SYNE2: variants seen among roughly 807,000 people sequenced by gnomAD.
The protein encoded by SYNE2 is nesprin-2.
A neutral mutation model predicts 856.3 loss-of-function variants in SYNE2; 431 were observed. That is an observed-to-expected ratio of 0.50 (90% CI 0.47 to 0.55). The LOEUF (loss-of-function observed/expected upper bound fraction) is 0.55. Ranked by LOEUF, SYNE2 falls within the 20% of genes least tolerant of loss-of-function variation. SYNE2 has a pLI of 0.00. For missense variants in SYNE2, 8,129 were observed against 8,023.2 expected, an observed-to-expected ratio of 1.01 and a Z score of -0.50; for synonymous variants, 2,923 against 2,872.3, an observed-to-expected ratio of 1.02 and a Z score of -0.56.
At position 63,991,042 on chromosome 14, in the gene SYNE2, A is replaced by T; in HGVS notation, c.2573A>T (p.Glu858Val). ...LKMEESQKEL[E>V]SYMMRAQQLL... ...ATGGAAGAATCCCAGAAGGAACTTG[A>T]ATCATATATGATGAGGGCTCAGCAG... is the stretch of plus-strand genomic sequence containing the variant. Residue 858 changes from glutamate (E) to valine (V), a missense_variant, in exon 21 of 116, where the codon GAA becomes GTA. Physicochemically the swap from Glu to Val is moderately radical, Grantham distance 121. Coordinates refer to ENST00000555002, the MANE Select transcript of SYNE2 (RefSeq NM_182914.3). 1 of 1,614,168 alleles carries T rather than the reference A, an allele frequency of 6.2e-7. No individual in the cohort carries two copies. Among genetic ancestry groups the T allele is most frequent in the Non-Finnish European group, 8.5e-7 (1 of 1,180,000 alleles).
At chr14:64,189,163 G>A (rs960728201) in intron 98 of SYNE2, among the ~76,000 whole-genome samples, 3 of 151,948 alleles carry the variant, frequency 2.0e-5, no homozygotes, top group Non-Finnish European at 4.4e-5. Context: ...GTGAAACCTC[G>A]TCTCTACTAA....
At chr14:64,197,809 T>C (rs949715064) in intron 99 of SYNE2, among the ~76,000 whole-genome samples, 10 of 152,210 alleles carry the variant, frequency 6.6e-5, no homozygotes, top group African/African-American at 2.4e-4. Context: ...CTTGATTTTG[T>C]TTGTTTGGAA....
At chr14:64,158,501 A>C (rs2098303526) in intron 85 of SYNE2, 124 bp from the exon 86 acceptor site, 1 of 1,029,096 alleles carries the variant, frequency 9.7e-7, no homozygotes, top group Admixed American at 2.0e-5. Flanking sequence ...ACCTTCAGTT[A>C]ATCACTGGTG....
intron 1 of SYNE2, among the ~76,000 whole-genome samples, chr14:63,801,461 C>T (rs915434265): frequency 2.6e-5 from 4 of 152,180 alleles, no homozygotes; most frequent in Admixed American, 6.5e-5. Flanking sequence ...CACCTGAGGT[C>T]GGGAGTTCGA....
chr14:63,866,987 T>C (rs1895523363), intron 1 of SYNE2, among the ~76,000 whole-genome samples: 1 of 152,186 alleles, frequency 6.6e-6, no homozygotes, highest in Non-Finnish European at 1.5e-5. Flanking sequence ...TTAATATTTA[T>C]TTAGTACTCA....
At chr14:63,811,349 G>A (rs1433599254) in intron 1 of SYNE2, among the ~76,000 whole-genome samples, 1 of 151,920 alleles carries the variant, frequency 6.6e-6, no homozygotes, top group Admixed American at 6.6e-5. Flanking sequence ...TTGACCACCT[G>A]GGCTCAAGTG....
chr14:63,958,900 C>T (rs897303482), intron 8 of SYNE2, among the ~76,000 whole-genome samples: 12 of 152,176 alleles, frequency 7.9e-5, no homozygotes, highest in Admixed American at 5.2e-4. Context: ...GTCCTCTTTA[C>T]GCTCAAAGTT....
chr14:63,993,965 G>A lies in SYNE2; in HGVS notation c.2777G>A (p.Trp926Ter). 2 of 1,613,728 alleles carry A rather than the reference G, an allele frequency of 1.2e-6. No individual in the cohort carries two copies. Among genetic ancestry groups the A allele is most frequent in the Non-Finnish European group, 1.7e-6 (2 of 1,179,738 alleles). Reference protein sequence around the residue: ...EEKSRDVCAKWESLHHELSLY... With the variant: ...EEKSRDVCAK Reference sequence around the variant, plus strand: ...AAGAGTAGAGATGTCTGTGCCAAATGGGAGGTAAGAACATGCATATGTTTC... The same window carrying A: ...AAGAGTAGAGATGTCTGTGCCAAATAGGAGGTAAGAACATGCATATGTTTC... The change falls in exon 22 of 116, where the codon TGG becomes TAG. Residue 926 changes from tryptophan to a stop codon, truncating the protein, a stop_gained. Coordinates refer to ENST00000555002, the MANE Select transcript of SYNE2 (RefSeq NM_182914.3). LOFTEE classifies it high-confidence loss of function.
chr14:63,888,037 G>GCCAC (rs2095038554), intron 1 of SYNE2, among the ~76,000 whole-genome samples: 3 of 152,280 alleles, frequency 2.0e-5, no homozygotes, highest in Non-Finnish European at 2.9e-5. Context: ...ACAGGCATGA[G>GCCAC]CCACCGTACC....
chr14:64,224,181 CAAAAAAAA>C (rs35804232), intron 113 of SYNE2, among the ~76,000 whole-genome samples: 8 of 74,748 alleles, frequency 1.1e-4, no homozygotes, highest in East Asian at 4.0e-4. Flanking sequence ...CCCGTCTCTG[CAAAAAAAA>C]AAAAAAAAAA....
intron 85 of SYNE2, among the ~76,000 whole-genome samples, chr14:64,154,609 A>T (rs1048671080): frequency 6.6e-6 from 1 of 152,068 alleles, no homozygotes; most frequent in South Asian, 2.1e-4. Context: ...CCTGGCCAAC[A>T]TGGCAAAACC....
intron 1 of SYNE2, among the ~76,000 whole-genome samples, chr14:63,823,016 A>T (rs1278783868): frequency 6.6e-6 from 1 of 152,056 alleles, no homozygotes; most frequent in Non-Finnish European, 1.5e-5. Flanking sequence ...AGGCAGGAAG[A>T]TCCCTTGGGC....
chr14:64,204,505 T>C (rs1286182024), intron 100 of SYNE2: 3 of 152,230 alleles, frequency 2.0e-5, no homozygotes, highest in African/African-American at 7.2e-5. Flanking sequence ...AAATCCGAAG[T>C]GTGACAGAAC....
At chr14:64,021,830 A>G (rs2153533752) in intron 36 of SYNE2, 27 bp from the exon 37 acceptor site, 2 of 1,612,300 alleles carry the variant, frequency 1.2e-6, no homozygotes, top group South Asian at 2.2e-5. Flanking sequence ...TTAAGATTTA[A>G]TGGTTGTTGT....
Position 64,052,102 on chromosome 14 carries a change from G to A in SYNE2, c.8189G>A (p.Cys2730Tyr), listed in dbSNP as rs2097231738. Reference sequence around the variant, plus strand: ...GAAGCAGAAAATCAGATTAAGAAGTGTGACATAAGGAACAAGATGAAAGAG... The same window carrying A: ...GAAGCAGAAAATCAGATTAAGAAGTATGACATAAGGAACAAGATGAAAGAG... ...HLEAENQIKK[C>Y]DIRNKMKETI... The change falls in exon 48 of 116, where the codon TGT becomes TAT. Residue 2730 changes from cysteine (C) to tyrosine (Y), a missense_variant. By Grantham distance (194) the Cys-to-Tyr change is radical. Around this residue, in one of 3 missense-constraint regions of SYNE2, gnomAD observed 5,410 missense variants for 5,284.8 expected, o/e 1.02. Transcript: ENST00000555002. 1 of 1,614,200 alleles carries A rather than the reference G, an allele frequency of 6.2e-7. No individual in the cohort carries two copies. The highest frequency in any genetic ancestry group is 2.2e-5 in the East Asian group (1 of 44,886).
intron 1 of SYNE2, among the ~76,000 whole-genome samples, chr14:63,770,519 G>T (rs1035837372): frequency 2.6e-5 from 4 of 152,148 alleles, no homozygotes; most frequent in Non-Finnish European, 4.4e-5. Flanking sequence ...TAAAATGATG[G>T]CTGGGCACAG....
rs147154460 is a variant in SYNE2 at position 64,135,249 on chromosome 14, A to T, written c.14646+1049A>T. 4.3e-3 allele frequency among the ~76,000 whole-genome samples: 648 copies of T among 152,300 alleles called. 7 individuals are homozygous for T. Among genetic ancestry groups the T allele is most frequent in the African/African-American group, 0.015 (623 of 41,568 alleles). On this transcript the variant is annotated intron_variant, in intron 78 of 115. Transcript: ENST00000555002. ...GTGCGGCTAGAGGCAGTTATGAAAT[A>T]TCAACTTTAAAACCTCAAAAGCACA...
intron 16 of SYNE2, among the ~76,000 whole-genome samples, chr14:63,981,805 G>A (rs1030221507): frequency 6.6e-6 from 1 of 152,062 alleles, no homozygotes; most frequent in African/African-American, 2.4e-5. Context: ...TTCCAAAATA[G>A]AAACTAAAAT....
chr14:64,107,371 C>T, intron 64 of SYNE2, 120 bp from the exon 65 acceptor site: 1 of 874,576 alleles, frequency 1.1e-6, no homozygotes, highest in Non-Finnish European at 1.9e-6. Context: ...TCGTATCTGA[C>T]TTCTCCATAT....
Sources: gnomAD v4.1 joint callset for allele counts (sites outside exome capture counted in the v4.1 genomes callset) on GRCh38, gnomAD v4.1.1 for gene constraint, gnomAD v4.1.1 regional missense constraint, MANE v1.5 for transcripts, NCBI Gene and HGNC (gene_info 2026-07-23, HGNC 2026-07-21) for gene names.